The following TUSC3 variants were observed in gnomAD, a reference collection of about 807,000 sequenced individuals.
TUSC3 encodes the protein tumor suppressor candidate 3.
Under a neutral mutation model 44.8 loss-of-function variants are expected in TUSC3, and 45 were observed. That is an observed-to-expected ratio of 1.00 (90% CI 0.79 to 1.29). The LOEUF (loss-of-function observed/expected upper bound fraction) is 1.29. TUSC3 is among the 50% of genes most tolerant of loss of function. The probability of loss-of-function intolerance (pLI) is 0.00; values close to 1 mark genes in which losing one functional copy is unlikely to be tolerated. For missense variants in TUSC3, 519 were observed against 437.9 expected (o/e 1.19, Z -1.65); for synonymous variants, 212 against 152.9 (o/e 1.39, Z -2.85).
At chr8:15,573,393 A>G (rs1802966756) in intron 1 of TUSC3, among the ~76,000 whole-genome samples, 1 of 151,634 alleles carries the variant, frequency 6.6e-6, no homozygotes, top group Admixed American at 6.6e-5. Flanking sequence ...AGCTGTTCCT[A>G]CACAATAGCG....
the TUSC3 span, among the ~76,000 whole-genome samples, chr8:15,788,252 G>T: frequency 2.0e-5 from 3 of 152,106 alleles, no homozygotes; most frequent in Non-Finnish European, 4.4e-5. Flanking sequence ...ATTCTTGTGG[G>T]GGAGGTAAGT....
chr8:15,454,260 C>G (rs1408708743), intron 1 of TUSC3, among the ~76,000 whole-genome samples: 2 of 152,162 alleles, frequency 1.3e-5, no homozygotes, highest in Non-Finnish European at 2.9e-5. Flanking sequence ...GTGTACTTTA[C>G]TCCATTTTAT....
At position 15,628,452 on chromosome 8, in the gene TUSC3, A is replaced by G. The variant is rs191655473; in HGVS notation, c.308+5203A>G. 8.6e-3 allele frequency among the ~76,000 whole-genome samples: 1,312 copies of G among 152,272 alleles called. 19 individuals carry two copies. Among genetic ancestry groups the G allele is most frequent in the African/African-American group, 0.03 (1,251 of 41,554 alleles). On this transcript the variant is annotated intron_variant, in intron 2 of 10. Coordinates refer to ENST00000503731, the MANE Select transcript of TUSC3 (RefSeq NM_006765.4). ...TTTATTTGCTTTTTATTTGTTCATT[A>G]TAGCCTATTTTAAGAAACTTAGCAT...
At chr8:15,530,277 G>A (rs78101216) in intron 2 of TUSC3, among the ~76,000 whole-genome samples, 2,665 of 152,114 alleles carry the variant, frequency 0.018, 49 homozygotes, top group East Asian at 0.087. Flanking sequence ...TCTCAGATGA[G>A]GACTTTGCCT....
chr8:15,811,703 G>A, the TUSC3 span, among the ~76,000 whole-genome samples: 1 of 152,168 alleles, frequency 6.6e-6, no homozygotes, highest in African/African-American at 2.4e-5. Context: ...GGTGAAGGAA[G>A]TGAATAGGTG....
chr8:15,789,856 C>A, the TUSC3 span, among the ~76,000 whole-genome samples: 1 of 152,260 alleles, frequency 6.6e-6, no homozygotes, highest in East Asian at 1.9e-4. Context: ...AGACACCCAA[C>A]TGATGCAGGG....
chr8:15,474,139 T>C (rs1393916561), intron 1 of TUSC3, among the ~76,000 whole-genome samples: 1 of 152,234 alleles, frequency 6.6e-6, no homozygotes, highest in African/African-American at 2.4e-5. Flanking sequence ...TTATAGGCTG[T>C]CTGCACGAAG....
chr8:15,596,088 T>A (rs1804053946), intron 1 of TUSC3, among the ~76,000 whole-genome samples: 1 of 152,208 alleles, frequency 6.6e-6, no homozygotes, highest in Non-Finnish European at 1.5e-5. Flanking sequence ...GATGTAACAT[T>A]TATTTTCTCA....
chr8:15,752,325 C>T (rs1811741702), intron 9 of TUSC3, among the ~76,000 whole-genome samples: 5 of 148,524 alleles, frequency 3.4e-5, no homozygotes, highest in Non-Finnish European at 1.5e-5. Flanking sequence ...GAGTATACTG[C>T]TATGGTGTGA....
intron 1 of TUSC3, among the ~76,000 whole-genome samples, chr8:15,581,682 T>G: frequency 6.8e-6 from 1 of 147,682 alleles, no homozygotes; most frequent in Non-Finnish European, 1.5e-5. Flanking sequence ...CGTTCTCAGA[T>G]CTCCAGCTGC....
chr8:15,673,877 C>G, intron 6 of TUSC3, 41 bp downstream of exon 6: 1 of 1,511,894 alleles, frequency 6.6e-7, no homozygotes, highest in Non-Finnish European at 9.2e-7. Flanking sequence ...GAAGTTTAAT[C>G]CAGCTTAATT....
chr8:15,480,282 A>T (rs984747790), intron 1 of TUSC3, among the ~76,000 whole-genome samples: 5 of 152,230 alleles, frequency 3.3e-5, no homozygotes, highest in Non-Finnish European at 7.3e-5. Flanking sequence ...ATCATATGCT[A>T]TTCCCATTTA....
chr8:15,647,059 T>C (rs1374734988), intron 2 of TUSC3, among the ~76,000 whole-genome samples: 1 of 152,154 alleles, frequency 6.6e-6, no homozygotes, highest in Non-Finnish European at 1.5e-5. Flanking sequence ...CTCTTTTACA[T>C]ACCAAATTCT....
chr8:15,821,584 G>GTT, the TUSC3 span, among the ~76,000 whole-genome samples: 1 of 140,914 alleles, frequency 7.1e-6, no homozygotes, highest in Non-Finnish European at 1.6e-5. Context: ...AAAGATGAGG[G>GTT]TTTTTTTTTT....
At chr8:15,526,648 T>C (rs1283072011) in intron 2 of TUSC3, among the ~76,000 whole-genome samples, 1 of 152,196 alleles carries the variant, frequency 6.6e-6, no homozygotes, top group Non-Finnish European at 1.5e-5. Flanking sequence ...CCTTCTGCCA[T>C]GATTGTGAGG....
chr8:15,840,401 C>CCACA, the TUSC3 span, among the ~76,000 whole-genome samples: 5 of 151,722 alleles, frequency 3.3e-5, no homozygotes, highest in East Asian at 7.8e-4. Context: ...CAATAAATAA[C>CCACA]CACACACACA....
chr8:15,462,772 C>G (rs1286034585), intron 1 of TUSC3, among the ~76,000 whole-genome samples: 1 of 152,022 alleles, frequency 6.6e-6, no homozygotes, highest in African/African-American at 2.4e-5. Context: ...GCTGTTAAAG[C>G]TTTTGCTTCA....
intron 1 of TUSC3, among the ~76,000 whole-genome samples, chr8:15,458,490 C>T (rs986337148): frequency 6.6e-6 from 1 of 152,146 alleles, no homozygotes; most frequent in African/African-American, 2.4e-5. Context: ...CCACCCACCT[C>T]GGCCTCCCAA....
At chr8:15,440,137 G>A (rs548593629) in intron 1 of TUSC3, among the ~76,000 whole-genome samples, 18 of 152,288 alleles carry the variant, frequency 1.2e-4, no homozygotes, top group African/African-American at 4.3e-4. Flanking sequence ...ATGATTTTGG[G>A]CTGGGATTTA....
Sources: gnomAD v4.1 joint callset for allele counts (sites outside exome capture counted in the v4.1 genomes callset) on GRCh38, gnomAD v4.1.1 for gene constraint, MANE v1.5 for transcripts, NCBI Gene and HGNC (gene_info 2026-07-23, HGNC 2026-07-21) for gene names.